MMP16: variants seen among roughly 807,000 people sequenced by gnomAD.
The protein encoded by MMP16 is matrix metallopeptidase 16.
A neutral mutation model predicts 67.8 loss-of-function variants in MMP16; 12 were observed. The ratio of observed to expected loss-of-function variants is 0.18; its 90% CI spans 0.11 to 0.29. The LOEUF (loss-of-function observed/expected upper bound fraction) is 0.29. Ranked by LOEUF, MMP16 falls within the 10% of genes least tolerant of loss-of-function variation. MMP16 has a pLI of 1.00. For missense variants in MMP16, 475 were observed against 765.7 expected, an observed-to-expected ratio of 0.62 and a Z score of 4.48; for synonymous variants, 249 against 255.9, an observed-to-expected ratio of 0.97 and a Z score of 0.26.
chr8:88,070,929 T>C (rs1415702891), intron 7 of MMP16, among the ~76,000 whole-genome samples: 1 of 152,162 alleles, frequency 6.6e-6, no homozygotes, highest in African/African-American at 2.4e-5. Context: ...ACCATTATAG[T>C]GCACTATTAT....
In MMP16 at chr8:88,244,385, T is replaced by C. The variant is rs541039601; in HGVS notation, c.133-47079A>G. Among the ~76,000 whole-genome samples the C allele has an allele frequency of 7.9e-5, 12 of 152,290 alleles. No individual in the cohort carries two copies. The South Asian group carries it at 2.5e-3, about 32-fold the overall frequency. On this transcript the variant is annotated intron_variant, in intron 1 of 9. Coordinates refer to ENST00000286614, the MANE Select transcript of MMP16 (RefSeq NM_005941.5). ...AGTGGACTTGAATGTAAAAGCCATA[T>C]CGAACTCTGGCAATGAAATACTGAA...
At chr8:88,319,367 CT>C (rs1811423879) in intron 1 of MMP16, among the ~76,000 whole-genome samples, 1 of 151,934 alleles carries the variant, frequency 6.6e-6, no homozygotes, top group African/African-American at 2.4e-5. Flanking sequence ...AAAAATGTGA[CT>C]TTTCATAATT....
At chr8:88,156,821 T>C (rs571619828) in intron 4 of MMP16, among the ~76,000 whole-genome samples, 41 of 152,024 alleles carry the variant, frequency 2.7e-4, no homozygotes, top group African/African-American at 9.9e-4. Flanking sequence ...AATTTAAAGA[T>C]GAATTAGAAG....
At chr8:88,055,574 G>GA (rs1040213027) in intron 8 of MMP16, among the ~76,000 whole-genome samples, 3 of 151,886 alleles carry the variant, frequency 2.0e-5, no homozygotes, top group African/African-American at 4.8e-5. Context: ...ATCACAAAAG[G>GA]AAAAAAATAA....
chr8:88,283,389 A>C (rs1810772255), intron 1 of MMP16, among the ~76,000 whole-genome samples: 1 of 152,232 alleles, frequency 6.6e-6, no homozygotes, highest in African/African-American at 2.4e-5. Context: ...GTGTAACACT[A>C]GACAAGTTAT....
intron 1 of MMP16, among the ~76,000 whole-genome samples, chr8:88,323,098 A>G (rs548350378): frequency 2.0e-5 from 3 of 152,154 alleles, no homozygotes; most frequent in Non-Finnish European, 4.4e-5. Context: ...ATTATAGGCT[A>G]TATTCAGGAG....
intron 6 of MMP16, among the ~76,000 whole-genome samples, chr8:88,112,665 G>GT (rs1809355990): frequency 9.4e-6 from 1 of 106,382 alleles, no homozygotes; most frequent in Non-Finnish European, 1.9e-5. Flanking sequence ...AAGGACAGAA[G>GT]GGTGTGTGTG....
intron 1 of MMP16, among the ~76,000 whole-genome samples, chr8:88,223,328 C>CCA (rs1809716105): frequency 6.6e-6 from 1 of 152,048 alleles, no homozygotes; most frequent in Admixed American, 6.5e-5. Context: ...TTTGACCCAG[C>CCA]TTACCCATTA....
chr8:88,051,163 G>T (rs1446293853), intron 8 of MMP16, among the ~76,000 whole-genome samples: 3 of 152,148 alleles, frequency 2.0e-5, no homozygotes, highest in Admixed American at 6.5e-5. Flanking sequence ...CTTATAAAAG[G>T]TGCTGAGGCT....
At chr8:88,175,970 C>T (rs373569079) in intron 3 of MMP16, among the ~76,000 whole-genome samples, 29 of 152,280 alleles carry the variant, frequency 1.9e-4, no homozygotes, top group African/African-American at 7.0e-4. Flanking sequence ...TGAGGCCTCC[C>T]TAGCCATGTG....
At position 88,141,194 on chromosome 8, in the gene MMP16, A is replaced by G. The variant is rs935761725; in HGVS notation, c.710-22333T>C. ...CAAGTGGAAGGAAATGAAATAATCA[A>G]TTAATATCCTTTCTATTTAAAGATG... is the stretch of plus-strand genomic sequence containing the variant. On this transcript the variant is annotated intron_variant, in intron 4 of 9. Coordinates refer to ENST00000286614, the MANE Select transcript of MMP16 (RefSeq NM_005941.5). Among the ~76,000 whole-genome samples the G allele has an allele frequency of 2.0e-5, 3 of 152,212 alleles. No individual in the cohort carries two copies. In the South Asian group the frequency reaches 6.2e-4, roughly 31 times the overall value.
chr8:88,241,145 A>C (rs972222934), intron 1 of MMP16, among the ~76,000 whole-genome samples: 1 of 151,986 alleles, frequency 6.6e-6, no homozygotes, highest in African/African-American at 2.4e-5. Flanking sequence ...TTCTTAAAAA[A>C]TAAAAAGACC....
At chr8:88,268,552 T>C (rs1264030190) in intron 1 of MMP16, among the ~76,000 whole-genome samples, 2 of 152,118 alleles carry the variant, frequency 1.3e-5, no homozygotes, top group Admixed American at 6.5e-5. Flanking sequence ...AACTCTAATA[T>C]ACAAAAGAGA....
rs184595099 is a variant in MMP16, at chr8:88,271,374, A to G, written c.132+55701T>C. 2.3e-3 allele frequency among the ~76,000 whole-genome samples: 357 copies of G among 152,366 alleles called. 2 individuals carry two copies. The Middle Eastern group carries it at 0.027, about 12-fold the overall frequency. ...TCTCTAAATTTGACTCTAAGATTTT[A>G]AAAAATGGTTTGTTGCAGAGTATAC... On this transcript the variant is annotated intron_variant, in intron 1 of 9. Coordinates refer to ENST00000286614, the MANE Select transcript of MMP16 (RefSeq NM_005941.5).
chr8:88,126,076 C>T (rs545110822), intron 4 of MMP16, among the ~76,000 whole-genome samples: 1 of 151,912 alleles, frequency 6.6e-6, no homozygotes, highest in South Asian at 2.1e-4. Context: ...GCCACTACTT[C>T]CAGACCAGCA....
At chr8:88,135,898 C>T (rs549825591) in intron 4 of MMP16, among the ~76,000 whole-genome samples, 4 of 151,724 alleles carry the variant, frequency 2.6e-5, no homozygotes, top group East Asian at 2.0e-4. Flanking sequence ...GAAGAAAAAC[C>T]GACTCAGTAT....
chr8:88,276,525 A>G (rs1318027374), intron 1 of MMP16, among the ~76,000 whole-genome samples: 1 of 152,144 alleles, frequency 6.6e-6, no homozygotes, highest in Non-Finnish European at 1.5e-5. Context: ...GAGAAGAACT[A>G]CCTTAAATAA....
chr8:88,256,489 C>T (rs559233663), intron 1 of MMP16, among the ~76,000 whole-genome samples: 3 of 152,100 alleles, frequency 2.0e-5, no homozygotes, highest in Non-Finnish European at 4.4e-5. Flanking sequence ...ATACTGATCT[C>T]TTTCCCATCT....
intron 7 of MMP16, among the ~76,000 whole-genome samples, chr8:88,068,524 C>T (rs1808492576): frequency 6.6e-6 from 1 of 151,986 alleles, no homozygotes; most frequent in South Asian, 2.1e-4. Context: ...TTTATAGATT[C>T]AGCCTTTACA....
Sources: allele counts gnomAD v4.1 joint callset (sites outside exome capture counted in the v4.1 genomes callset), GRCh38; gene constraint gnomAD v4.1.1; transcripts MANE v1.5; gene names NCBI Gene and HGNC (gene_info 2026-07-23, HGNC 2026-07-21).